Variants in SYT16 observed in about 807,000 individuals in gnomAD.
SYT16 encodes synaptotagmin 16.
A neutral mutation model predicts 61.4 loss-of-function variants in SYT16; 42 were observed. The observed-to-expected ratio is 0.68, with a 90% CI of 0.53 to 0.89. The LOEUF (loss-of-function observed/expected upper bound fraction) is 0.89. Among genes scored for constraint, SYT16 ranks in the 40% least tolerant of loss-of-function variants. The probability of loss-of-function intolerance (pLI) is 0.00; values close to 1 mark genes in which losing one functional copy is unlikely to be tolerated. For synonymous variants in SYT16, 314 were observed against 302.3 expected (o/e 1.04, Z -0.40); for missense variants, 804 against 807.3 (o/e 1.00, Z 0.05).
Position 62,106,435 on chromosome 14 carries a change from AATC to A in SYT16, c.*5735_*5737del, listed in dbSNP as rs2057514572. ...ATTGGTGGGGATGGGGGTGTCATAGAATCATCATCTTTGGAAGTTTTTTAAAAT... is the reference window on the plus strand; with the variant it reads ...ATTGGTGGGGATGGGGGTGTCATAGAATCATCTTTGGAAGTTTTTTAAAAT... On this transcript the variant is annotated 3_prime_UTR_variant, in exon 8 of 8. Transcript: ENST00000683842. 6.6e-6 allele frequency: 1 copy of A among 152,144 alleles called. No individual in the cohort carries two copies. Among genetic ancestry groups the A allele is most frequent in the South Asian group, 2.1e-4 (1 of 4,824 alleles). The allele number at this position is 152,144 out of a possible 1,614,324, so 9.4% of individuals were successfully genotyped here.
rs146607069 is a variant in SYT16 at position 62,008,306 on chromosome 14, G to A, written c.523+11764G>A. ...GTGATTATAAGTTCCTCTTCCCTTTGAACTCATGTTAATTATGCTAAGGGC... is the reference window on the plus strand; with the variant it reads ...GTGATTATAAGTTCCTCTTCCCTTTAAACTCATGTTAATTATGCTAAGGGC... On this transcript the variant is annotated intron_variant, in intron 3 of 7. Transcript: ENST00000683842. 7.4e-3 allele frequency among the ~76,000 whole-genome samples: 1,118 copies of A among 152,092 alleles called. 9 individuals carry two copies. Among genetic ancestry groups the A allele is most frequent in the Middle Eastern group, 0.014 (4 of 292 alleles).
chr14:62,071,348 C>T (rs1452813702), intron 4 of SYT16, among the ~76,000 whole-genome samples: 1 of 152,230 alleles, frequency 6.6e-6, no homozygotes, highest in African/African-American at 2.4e-5. Context: ...TTCTGATTTA[C>T]ACAAATGGCT....
intron 1 of SYT16, among the ~76,000 whole-genome samples, chr14:61,838,986 C>T (rs1345627567): frequency 2.0e-5 from 3 of 151,276 alleles, no homozygotes; most frequent in South Asian, 2.1e-4. Flanking sequence ...CACCCCCCCG[C>T]CATGGTCTAA....
intron 7 of SYT16, among the ~76,000 whole-genome samples, chr14:62,088,594 T>G (rs890609199): frequency 1.3e-5 from 2 of 152,230 alleles, no homozygotes; most frequent in African/African-American, 4.8e-5. Context: ...CACTGAGCTT[T>G]GTACATTTCA....
chr14:61,826,006 A>G (rs879106238), intron 1 of SYT16, among the ~76,000 whole-genome samples: 2 of 152,222 alleles, frequency 1.3e-5, no homozygotes, highest in Admixed American at 1.3e-4. Flanking sequence ...TTCATAGTGC[A>G]TCATTTATTT....
Position 61,817,955 on chromosome 14 carries a change from G to A in SYT16, c.-325+5145G>A, listed in dbSNP as rs1428747041. On this transcript the variant is annotated intron_variant, in intron 1 of 7. Transcript: ENST00000683842. Reference sequence around the variant, plus strand: ...CATTTGGTAAATTTAGGAGTTCCTTGTGCTGTTCTTGCAGCTTTTCTGCGA... The same window carrying A: ...CATTTGGTAAATTTAGGAGTTCCTTATGCTGTTCTTGCAGCTTTTCTGCGA... Among the ~76,000 whole-genome samples, 3 of 152,174 alleles carry A rather than the reference G, an allele frequency of 2.0e-5. No individual in the cohort carries two copies. In the South Asian group the frequency reaches 6.2e-4, roughly 31 times the overall value.
At position 62,080,916 on chromosome 14, in the gene SYT16, A is replaced by G. The variant is rs747706412; in HGVS notation, c.1076A>G (p.Glu359Gly). 2.1e-5 allele frequency: 33 copies of G among 1,606,968 alleles called. No homozygotes were observed. Among genetic ancestry groups the G allele is most frequent in the Non-Finnish European group, 2.5e-5 (30 of 1,176,658 alleles). ...TGTGGTGACCTAGATGTCATCTTTG[A>G]ATATAGAGCCGCCAGCCAGAAGCTC... ...SKCGDLDVIF[E>G]YRAASQKLTV... Residue 359 changes from glutamate to glycine, a missense_variant, in exon 6 of 8, where the codon GAA (glutamate) becomes GGA (glycine). By Grantham distance (98) the Glu-to-Gly change is moderately conservative. Coordinates refer to ENST00000683842, the MANE Select transcript of SYT16 (RefSeq NM_001367656.1).
chr14:62,081,181 A>C lies in SYT16; in HGVS notation c.1341A>C (p.Arg447Ser), dbSNP rs751782539. The C allele has an allele frequency of 3.1e-6, 5 of 1,613,912 alleles. No individual in the cohort carries two copies. The highest frequency in any genetic ancestry group is 4.2e-6 in the Non-Finnish European group (5 of 1,179,882). The change falls in exon 6 of 8, where the codon AGA becomes AGC. Residue 447 changes from arginine to serine, a missense_variant. Transcript: ENST00000683842. ...CTGCCCGGAAGATGACCCGAGAGAG[A>C]ATGATGGGAGAGAAACTATTCTATC... The part of the protein sequence containing the change: ...LYAARKMTRE[R>S]MMGEKLFYLS...
intron 5 of SYT16, among the ~76,000 whole-genome samples, chr14:62,080,241 G>A (rs567989967): frequency 6.6e-6 from 1 of 152,344 alleles, no homozygotes; most frequent in African/African-American, 2.4e-5. Flanking sequence ...AGAAATGGCA[G>A]GATCTCAAGC....
chr14:62,051,699 A>G (rs1310249985), intron 3 of SYT16, among the ~76,000 whole-genome samples: 1 of 152,202 alleles, frequency 6.6e-6, no homozygotes, highest in African/African-American at 2.4e-5. Flanking sequence ...CACTGTATGT[A>G]TAGTCTTATA....
At position 61,995,987 on chromosome 14, in the gene SYT16, C is replaced by A. The variant is rs762821795; in HGVS notation, c.-33C>A. ...AATCCAGAGCACTGAAGGAACTGAA[C>A]AACTGGACACTGTAGACATCAGATA... On this transcript the variant is annotated 5_prime_UTR_variant, in exon 3 of 8. Transcript: ENST00000683842. 2 of 1,534,916 alleles carry A rather than the reference C, an allele frequency of 1.3e-6. No homozygotes were observed. The highest frequency in any genetic ancestry group is 1.7e-6 in the Non-Finnish European group (2 of 1,144,028).
At chr14:62,045,395 C>G (rs1281558735) in intron 3 of SYT16, among the ~76,000 whole-genome samples, 3 of 151,878 alleles carry the variant, frequency 2.0e-5, no homozygotes, top group Admixed American at 6.6e-5. Context: ...GAATTTTTTT[C>G]TAAATACTAT....
At chr14:61,980,867 AG>A (rs1315671886) in intron 2 of SYT16, among the ~76,000 whole-genome samples, 1 of 152,216 alleles carries the variant, frequency 6.6e-6, no homozygotes, top group East Asian at 1.9e-4. Flanking sequence ...ATTGCTGGGC[AG>A]AAAAACTGAA....
rs1017507467 is a variant in SYT16, at chr14:62,104,730, C to T, written c.*4023C>T. The T allele has an allele frequency of 6.6e-6, 1 of 152,124 alleles. No individual in the cohort carries two copies. Among genetic ancestry groups the T allele is most frequent in the African/African-American group, 2.4e-5 (1 of 41,422 alleles). 9.4% of individuals were successfully genotyped at this position (152,124 alleles called of 1,614,324 possible). A position where few individuals can be genotyped will look rare whatever the true frequency, so the allele number is the denominator to read the frequency against. On this transcript the variant is annotated 3_prime_UTR_variant, in exon 8 of 8. Transcript: ENST00000683842. ...AAGTTGGCACAAACTGTGATCCTGG[C>T]CTGGGTTTACATGAAACTCTGCTGT...
At chr14:62,037,660 A>G (rs1336562259) in intron 3 of SYT16, among the ~76,000 whole-genome samples, 1 of 152,030 alleles carries the variant, frequency 6.6e-6, no homozygotes, top group East Asian at 1.9e-4. Context: ...GTTTCCTCAG[A>G]CTCCACTGGG....
intron 1 of SYT16, among the ~76,000 whole-genome samples, chr14:61,876,875 T>G (rs2047517156): frequency 6.6e-6 from 1 of 152,196 alleles, no homozygotes; most frequent in Non-Finnish European, 1.5e-5. Flanking sequence ...AAGGCATCTG[T>G]CTGTTGCTTA....
chr14:61,964,046 A>G (rs886128220), intron 1 of SYT16, among the ~76,000 whole-genome samples: 1 of 152,136 alleles, frequency 6.6e-6, no homozygotes, highest in East Asian at 1.9e-4. Flanking sequence ...CTCGCTGACA[A>G]TGCACCTGGT....
intron 3 of SYT16, among the ~76,000 whole-genome samples, chr14:62,033,189 A>G (rs2054372368): frequency 6.6e-6 from 1 of 151,752 alleles, no homozygotes; most frequent in African/African-American, 2.4e-5. Context: ...AGGACAGTTG[A>G]AAAGTAAGTA....
At chr14:61,853,736 A>T (rs1025105134) in intron 1 of SYT16, among the ~76,000 whole-genome samples, 1 of 152,108 alleles carries the variant, frequency 6.6e-6, no homozygotes, top group African/African-American at 2.4e-5. Flanking sequence ...AGACACTTAC[A>T]TGTTGCAAAT....
Sources: gnomAD v4.1 joint callset for allele counts (sites outside exome capture counted in the v4.1 genomes callset) on GRCh38, gnomAD v4.1.1 for gene constraint, MANE v1.5 for transcripts, NCBI Gene and HGNC (gene_info 2026-07-23, HGNC 2026-07-21) for gene names.